TRIM37: variants seen among roughly 807,000 people sequenced by gnomAD.
The protein encoded by TRIM37 is tripartite motif containing 37, also known as E3 ubiquitin-protein ligase TRIM37.
In TRIM37, 80 loss-of-function variants were observed where a neutral mutation model predicts 129.8. The ratio of observed to expected loss-of-function variants is 0.62; its 90% CI spans 0.51 to 0.74. TRIM37 has a LOEUF of 0.74. Among genes scored for constraint, TRIM37 ranks in the 30% least tolerant of loss-of-function variants. The pLI is 0.00. For missense variants in TRIM37, 1,054 were observed against 1,176.5 expected, an observed-to-expected ratio of 0.90 and a Z score of 1.52; for synonymous variants, 389 against 387.1, an observed-to-expected ratio of 1.00 and a Z score of -0.06.
rs763942317 is a variant in TRIM37 at position 59,104,348 on chromosome 17, C to T, written c.68G>A (p.Arg23Gln). The change falls in exon 2 of 24, where the codon CGG (arginine) becomes CAG (glutamine). Residue 23 changes from arginine to glutamine, a missense_variant. Physicochemically the swap from Arg to Gln is conservative, Grantham distance 43. Transcript: ENST00000262294. ...FRCFICMEKL[R>Q]DARLCPHCSK... ...GCAATGAGGACACAGGCGTGCATCCCGCAATTTCTCCATACAAATGAAACA... is the reference window on the plus strand; with the variant it reads ...GCAATGAGGACACAGGCGTGCATCCTGCAATTTCTCCATACAAATGAAACA... The T allele has an allele frequency of 3.4e-5, 55 of 1,614,056 alleles. No homozygotes were observed. Among genetic ancestry groups the T allele is most frequent in the Admixed American group, 5.0e-5 (3 of 60,004 alleles).
At chr17:58,976,835 A>G in the TRIM37 span, among the ~76,000 whole-genome samples, 1 of 152,144 alleles carries the variant, frequency 6.6e-6, no homozygotes, top group African/African-American at 2.4e-5. Context: ...AAGCACTAAA[A>G]CAAGATTTTT....
the TRIM37 span, among the ~76,000 whole-genome samples, chr17:58,976,116 G>T: frequency 3.3e-5 from 5 of 152,156 alleles, no homozygotes; most frequent in Admixed American, 6.5e-5. Flanking sequence ...AGGACGAGGA[G>T]ATTTTAGATT....
intron 2 of TRIM37, among the ~76,000 whole-genome samples, chr17:59,098,781 A>C (rs1416755836): frequency 6.6e-6 from 1 of 152,198 alleles, no homozygotes; most frequent in Non-Finnish European, 1.5e-5. Flanking sequence ...ATATATATTC[A>C]AAAGAAATGA....
chr17:58,994,167 C>A (rs553559534), downstream of TRIM37, among the ~76,000 whole-genome samples: 2 of 152,054 alleles, frequency 1.3e-5, no homozygotes, highest in Non-Finnish European at 2.9e-5. Context: ...AGAATGAGGC[C>A]TCTGGAGCTG....
At chr17:59,071,283 C>CTTTT (rs962225941) in intron 8 of TRIM37, among the ~76,000 whole-genome samples, 33 of 121,324 alleles carry the variant, frequency 2.7e-4, no homozygotes, top group Non-Finnish European at 3.3e-4. Context: ...AAGTTGAAAG[C>CTTTT]TTTTTTTTTT....
chr17:59,081,961 A>ATAATAAT (rs1248128507), intron 5 of TRIM37, among the ~76,000 whole-genome samples: 1,206 of 110,352 alleles, frequency 0.011, 7 homozygotes, highest in Middle Eastern at 0.036. Flanking sequence ...AATAAAAAAA[A>ATAATAAT]AAAAATAATA....
At chr17:59,081,298 A>T in intron 5 of TRIM37, 79 bp from the exon 6 acceptor site, 1 of 1,562,066 alleles carries the variant, frequency 6.4e-7, no homozygotes, top group Non-Finnish European at 8.7e-7. Flanking sequence ...CTCTATGGAC[A>T]CTAATAAACT....
intron 17 of TRIM37, 27 bp downstream of exon 17, chr17:59,041,786 T>C (rs969754766): frequency 2.1e-5 from 33 of 1,559,194 alleles, no homozygotes; most frequent in Admixed American, 3.3e-5. Flanking sequence ...ACAGAATGGC[T>C]TGGAGGCAGT....
chr17:59,075,295 G>A (rs1362592143), intron 8 of TRIM37, among the ~76,000 whole-genome samples: 1 of 151,998 alleles, frequency 6.6e-6, no homozygotes, highest in Non-Finnish European at 1.5e-5. Context: ...CGGGCACGGT[G>A]GCTCACGCCT....
intron 22 of TRIM37, among the ~76,000 whole-genome samples, chr17:59,005,015 C>T (rs1158358662): frequency 1.3e-5 from 2 of 152,160 alleles, no homozygotes; most frequent in African/African-American, 4.8e-5. Flanking sequence ...AGAGCAGAGA[C>T]GGTTAAAGAG....
At chr17:59,079,681 C>T (rs995772307) in intron 7 of TRIM37, 73 bp downstream of exon 7, 5 of 1,587,310 alleles carry the variant, frequency 3.1e-6, no homozygotes, top group Non-Finnish European at 3.5e-6. Flanking sequence ...GATGATCACC[C>T]TTATTCTTCA....
Position 59,056,967 on chromosome 17 carries a change from A to T in TRIM37, c.1107T>A (p.Val369=). The part of the protein sequence containing the change: ...IIREFASDFE[V]GECWGYNRFF... ...ATCTATTATAGCCCCAGCATTCTCC[A>T]ACTTCAAAGTCAGATGCAAATTCTC... Residue 369 remains valine (V), a synonymous_variant, in exon 13 of 24, where the codon GTT becomes GTA. Coordinates refer to ENST00000262294, the MANE Select transcript of TRIM37 (RefSeq NM_015294.6). 1 of 1,613,866 alleles carries T rather than the reference A, an allele frequency of 6.2e-7. No individual in the cohort carries two copies. The highest frequency in any genetic ancestry group is 8.5e-7 in the Non-Finnish European group (1 of 1,179,892).
At chr17:59,004,552 T>A (rs565991488) in intron 22 of TRIM37, among the ~76,000 whole-genome samples, 66 of 152,186 alleles carry the variant, frequency 4.3e-4, no homozygotes, top group African/African-American at 1.2e-3. Flanking sequence ...TCTAGGTAGA[T>A]TCACTAACAA....
At chr17:59,000,443 T>C (rs138997596) in intron 23 of TRIM37, among the ~76,000 whole-genome samples, 1 of 151,884 alleles carries the variant, frequency 6.6e-6, no homozygotes, top group African/African-American at 2.4e-5. Context: ...CTACTAAAAA[T>C]TACAAAAACT....
chr17:59,097,115 C>T (rs967546505), intron 2 of TRIM37, among the ~76,000 whole-genome samples: 1 of 152,072 alleles, frequency 6.6e-6, no homozygotes, highest in Non-Finnish European at 1.5e-5. Flanking sequence ...GGAACTTCCT[C>T]AACTTGATAA....
chr17:59,019,784 G>T (rs2036370566), intron 19 of TRIM37, among the ~76,000 whole-genome samples: 3 of 152,118 alleles, frequency 2.0e-5, no homozygotes, highest in Admixed American at 2.0e-4. Context: ...TAGTAGAAGG[G>T]GAAGATGGGG....
chr17:58,969,779 T>C, the TRIM37 span: 1 of 1,571,014 alleles, frequency 6.4e-7, no homozygotes, highest in African/African-American at 1.4e-5. Flanking sequence ...CTGAGCTCAA[T>C]TTGGTCTGTG....
intron 23 of TRIM37, among the ~76,000 whole-genome samples, chr17:59,000,932 C>T (rs913647589): frequency 3.9e-5 from 6 of 152,002 alleles, no homozygotes; most frequent in Non-Finnish European, 5.9e-5. Context: ...CGGTGGCTCA[C>T]GCCTGTAATA....
intron 8 of TRIM37, among the ~76,000 whole-genome samples, chr17:59,072,593 T>C (rs1321775812): frequency 1.3e-5 from 2 of 151,582 alleles, no homozygotes; most frequent in Non-Finnish European, 2.9e-5. Flanking sequence ...ACTAAAAATA[T>C]AACAATTAGC....
Sources: gnomAD v4.1 joint callset for allele counts (sites outside exome capture counted in the v4.1 genomes callset) on GRCh38, gnomAD v4.1.1 for gene constraint, MANE v1.5 for transcripts, NCBI Gene and HGNC (gene_info 2026-07-23, HGNC 2026-07-21) for gene names.